DYM: variants seen among roughly 807,000 people sequenced by gnomAD.
DYM encodes the protein dyggve-Melchior-Clausen syndrome protein.
Under a neutral mutation model 93.1 loss-of-function variants are expected in DYM, and 78 were observed. That is an observed-to-expected ratio of 0.84 (90% CI 0.70 to 1.01). The LOEUF (loss-of-function observed/expected upper bound fraction) is 1.01, where lower values mean the gene tolerates loss of function less well. Among genes scored for constraint, DYM ranks in the 50% least tolerant of loss-of-function variants. The probability of loss-of-function intolerance (pLI) is 0.00; values close to 1 mark genes in which losing one functional copy is unlikely to be tolerated. For synonymous variants in DYM, 321 were observed against 319.7 expected (o/e 1.00, Z -0.04); for missense variants, 789 against 845.0 (o/e 0.93, Z 0.82).
rs1259721223 is a variant in DYM, at chr18:49,209,657, G to A, written c.1519C>T (p.His507Tyr). 2.3e-6 allele frequency: 3 copies of A among 1,289,326 alleles called. No homozygotes were observed. The highest frequency in any genetic ancestry group is 1.5e-5 in the African/African-American group (1 of 65,826). 79.9% of individuals were successfully genotyped at this position (1,289,326 alleles called of 1,614,324 possible). A position where few individuals can be genotyped will look rare whatever the true frequency, so the allele number is the denominator to read the frequency against. Residue 507 changes from histidine to tyrosine, a missense_variant, in exon 14 of 18, where the codon CAC (histidine) becomes TAC (tyrosine). By Grantham distance (83) the His-to-Tyr change is moderately conservative. This residue lies in a region of DYM where 225 missense variants were observed against 303.0 expected (regional missense o/e 0.74). Transcript: ENST00000675505. ...TGCTGAAGCGTAGAACAGTGAGAGT[G>A]GGGGAAATACAGTTTGTCCAACACA... ...VYVLDKLYFP[H>Y]SHCSTLQHCF...
At chr18:49,410,703 C>T (rs756574954) in intron 2 of DYM, among the ~76,000 whole-genome samples, 58 of 151,734 alleles carry the variant, frequency 3.8e-4, no homozygotes, top group Non-Finnish European at 5.7e-4. Context: ...CCCAGCTGCT[C>T]CTTGAGCCCT....
chr18:49,211,433 G>C (rs1015443245), intron 13 of DYM, among the ~76,000 whole-genome samples: 6 of 152,094 alleles, frequency 3.9e-5, no homozygotes, highest in Non-Finnish European at 8.8e-5. Flanking sequence ...GATATGTCTT[G>C]GCTATTATTA....
chr18:49,131,615 AAC>A (rs1294336791), intron 15 of DYM, among the ~76,000 whole-genome samples: 2 of 152,204 alleles, frequency 1.3e-5, no homozygotes, highest in Non-Finnish European at 1.5e-5. Flanking sequence ...CCTGTCTCCA[AAC>A]ACAGTCTTAT....
intron 6 of DYM, chr18:49,359,914 C>T (rs2065878718): frequency 6.6e-6 from 1 of 152,120 alleles, no homozygotes; most frequent in Non-Finnish European, 1.5e-5. Flanking sequence ...GGAAATGAAA[C>T]ATTTAAAGAG....
intron 17 of DYM, among the ~76,000 whole-genome samples, chr18:49,057,139 G>A (rs1465932005): frequency 6.6e-6 from 1 of 152,194 alleles, no homozygotes; most frequent in Non-Finnish European, 1.5e-5. Flanking sequence ...TAACTGCACT[G>A]GTATAAATCC....
At chr18:49,317,646 C>CTCCTCTCCTCTCCTTCCTTCCTTCCT (rs750848541) in intron 8 of DYM, among the ~76,000 whole-genome samples, 2 of 36,610 alleles carry the variant, frequency 5.5e-5, no homozygotes, top group East Asian at 7.9e-4. Context: ...ATCCTCTCCT[C>CTCCTCTCCTCTCCTTCCTTCCTTCCT]TCCTTCCTTC....
intron 5 of DYM, among the ~76,000 whole-genome samples, chr18:49,373,314 C>A (rs1257624920): frequency 2.0e-5 from 3 of 152,098 alleles, no homozygotes; most frequent in Non-Finnish European, 4.4e-5. Context: ...AGAGACAGAG[C>A]AGTCCCCAGG....
At chr18:49,269,536 G>A (rs545065343) in intron 11 of DYM, among the ~76,000 whole-genome samples, 1 of 152,256 alleles carries the variant, frequency 6.6e-6, no homozygotes, top group Admixed American at 6.5e-5. Flanking sequence ...GAATAGCCAA[G>A]ACAGACACAG....
intron 15 of DYM, among the ~76,000 whole-genome samples, chr18:49,138,843 G>T (rs531070861): frequency 1.3e-5 from 2 of 152,084 alleles, no homozygotes; most frequent in Non-Finnish European, 1.5e-5. Context: ...GGAAGTGTCC[G>T]ATTTAAGTCT....
intron 6 of DYM, among the ~76,000 whole-genome samples, chr18:49,344,983 T>C (rs2064461253): frequency 6.6e-6 from 1 of 152,032 alleles, no homozygotes; most frequent in African/African-American, 2.4e-5. Flanking sequence ...CAGGTTAGGG[T>C]AGAAGGTTAA....
At chr18:49,119,327 C>T (rs1225403085) in intron 15 of DYM, among the ~76,000 whole-genome samples, 1 of 152,186 alleles carries the variant, frequency 6.6e-6, no homozygotes, top group African/African-American at 2.4e-5. Flanking sequence ...ATGCCTAATT[C>T]AGAAGATGAC....
intron 1 of DYM, among the ~76,000 whole-genome samples, chr18:49,458,648 G>A (rs1271967542): frequency 1.3e-5 from 2 of 152,056 alleles, no homozygotes; most frequent in African/African-American, 4.8e-5. Flanking sequence ...ACCAGCCTGA[G>A]CAACATGATG....
In DYM at chr18:49,378,562, C is replaced by T; in HGVS notation, c.421+5G>A. The T allele has an allele frequency of 6.2e-7, 1 of 1,606,296 alleles. No homozygotes were observed. The highest frequency in any genetic ancestry group is 8.5e-7 in the Non-Finnish European group (1 of 1,173,398). ...ATCCAGAACATCTTTAAAAACAATA[C>T]TTACTGTAATTGCCAGGAGATTTTT... is the stretch of plus-strand genomic sequence containing the variant. On this transcript the variant is annotated splice_donor_5th_base_variant and intron_variant, in intron 5 of 17. Transcript: ENST00000675505.
At chr18:49,226,010 TTTAAC>T (rs1250213657) in intron 13 of DYM, among the ~76,000 whole-genome samples, 2 of 152,142 alleles carry the variant, frequency 1.3e-5, no homozygotes, top group African/African-American at 4.8e-5. Context: ...TTTTGAGAAC[TTTAAC>T]TTGTCTTTGA....
At chr18:49,124,554 A>G (rs1036626227) in intron 15 of DYM, among the ~76,000 whole-genome samples, 3 of 151,878 alleles carry the variant, frequency 2.0e-5, no homozygotes, top group African/African-American at 4.8e-5. Flanking sequence ...CATGTTCTAC[A>G]TTAGTTTTTA....
intron 11 of DYM, among the ~76,000 whole-genome samples, chr18:49,265,582 T>C (rs747913240): frequency 1.3e-5 from 2 of 151,954 alleles, no homozygotes; most frequent in African/African-American, 2.4e-5. Flanking sequence ...AGTTCGAGAC[T>C]AGCCTGACCA....
rs985516383 is a variant in DYM, at chr18:49,036,871, C to G, written c.*7184G>C. Reference sequence around the variant, plus strand: ...TCTCTCCTGCCCTTTCTCCTTCCTTCTTTGATCAGTCTTTTAAGGGGTTAT... The same window carrying G: ...TCTCTCCTGCCCTTTCTCCTTCCTTGTTTGATCAGTCTTTTAAGGGGTTAT... On this transcript the variant is annotated 3_prime_UTR_variant, in exon 18 of 18. Coordinates refer to ENST00000675505, the MANE Select transcript of DYM (RefSeq NM_001353214.3). Among the ~76,000 whole-genome samples the G allele has an allele frequency of 2.0e-5, 3 of 151,944 alleles. No homozygotes were observed. Among genetic ancestry groups the G allele is most frequent in the Non-Finnish European group, 4.4e-5 (3 of 67,980 alleles).
intron 3 of DYM, among the ~76,000 whole-genome samples, chr18:49,385,593 G>A (rs1400175176): frequency 6.6e-6 from 1 of 152,084 alleles, no homozygotes; most frequent in Non-Finnish European, 1.5e-5. Flanking sequence ...TACTTGGGAG[G>A]CTGAGACAGG....
rs1599497308 is a variant in DYM, at chr18:49,333,827, T to G, written c.521A>C (p.Glu174Ala). ...GAAAACAACCATTGTTGATATAGCT[T>G]CTACTGATATTTCATATGTAATATC... ...LLDITYEISV[E>A]AISTMVVFLS... The change falls in exon 7 of 18, where the codon GAA becomes GCA. Residue 174 changes from glutamate to alanine, a missense_variant. By Grantham distance (107) the Glu-to-Ala change is moderately radical. Around this residue, in one of 3 missense-constraint regions of DYM, gnomAD observed 450 missense variants for 436.2 expected, o/e 1.03. Transcript: ENST00000675505. 1 of 1,612,326 alleles carries G rather than the reference T, an allele frequency of 6.2e-7. No individual in the cohort carries two copies. Among genetic ancestry groups the G allele is most frequent in the Non-Finnish European group, 8.5e-7 (1 of 1,178,686 alleles).
Sources: allele counts gnomAD v4.1 joint callset (sites outside exome capture counted in the v4.1 genomes callset), GRCh38; gene constraint gnomAD v4.1.1; regional missense constraint gnomAD v4.1.1; transcripts MANE v1.5; gene names NCBI Gene and HGNC (gene_info 2026-07-23, HGNC 2026-07-21).